BIRC6: variants seen among roughly 807,000 people sequenced by gnomAD.
BIRC6 encodes baculoviral IAP repeat containing 6, also known as dual E2 ubiquitin-conjugating enzyme/E3 ubiquitin-protein ligase BIRC6.
In BIRC6, 98 loss-of-function variants were observed where a neutral mutation model predicts 503.3. That is an observed-to-expected ratio of 0.19 (90% CI 0.17 to 0.23). The LOEUF (loss-of-function observed/expected upper bound fraction) is 0.23, where lower values mean the gene tolerates loss of function less well. Ranked by LOEUF, BIRC6 falls within the 10% of genes least tolerant of loss-of-function variation. The pLI, the probability that BIRC6 is intolerant of heterozygous loss-of-function variation, is 1.00. For synonymous variants in BIRC6, 2,240 were observed against 2,078.7 expected, an observed-to-expected ratio of 1.08 and a Z score of -2.11; for missense variants, 5,360 against 5,806.0, an observed-to-expected ratio of 0.92 and a Z score of 2.50.
chr2:32,497,280 C>G (rs534670460), intron 45 of BIRC6, among the ~76,000 whole-genome samples: 1 of 152,274 alleles, frequency 6.6e-6, no homozygotes, highest in South Asian at 2.1e-4. Context: ...CTTAGCTGGC[C>G]CAATCGGCAT....
rs768612418 is a variant in BIRC6 at position 32,531,421 on chromosome 2, A to G, written c.12161A>G (p.Asp4054Gly). The change falls in exon 61 of 74, where the codon GAT (aspartate) becomes GGT (glycine). Residue 4054 changes from aspartate (D) to glycine (G), a missense_variant. By Grantham distance (94) the Asp-to-Gly change is moderately conservative (BLOSUM62 -1). Around this residue, in one of 16 missense-constraint regions of BIRC6, gnomAD observed 878 missense variants for 928.9 expected, o/e 0.95. Coordinates refer to ENST00000421745, the MANE Select transcript of BIRC6 (RefSeq NM_016252.4). ...EALTPGDECM[D>G]GILDESLLET... ...CTCACTCCAGGTGATGAATGCATGG[A>G]TGGGATACTGGATGAATCTTTGCTT... 24 of 1,613,804 alleles carry G rather than the reference A, an allele frequency of 1.5e-5. No homozygotes were observed. The South Asian group carries it at 2.2e-4, about 15-fold the overall frequency.
intron 66 of BIRC6, among the ~76,000 whole-genome samples, chr2:32,585,150 A>C (rs1250415703): frequency 6.6e-6 from 1 of 152,170 alleles, no homozygotes; most frequent in African/African-American, 2.4e-5. Context: ...CAAAGGGTAT[A>C]TATCAGGTGC....
At chr2:32,577,310 T>C (rs2060332402) in intron 66 of BIRC6, among the ~76,000 whole-genome samples, 1 of 152,136 alleles carries the variant, frequency 6.6e-6, no homozygotes, top group Non-Finnish European at 1.5e-5. Context: ...TACCTTACAT[T>C]TCTGTGTTTT....
chr2:32,553,197 CAAAAAAAAAAAAAAAAA>C (rs763552918), intron 65 of BIRC6, among the ~76,000 whole-genome samples: 883 of 34,938 alleles, frequency 0.025, 11 homozygotes, highest in Middle Eastern at 0.1. Flanking sequence ...AACTCTGTCT[CAAAAAAAAAAAAAAAAA>C]AAAAAAAAAA....
intron 65 of BIRC6, among the ~76,000 whole-genome samples, chr2:32,555,796 A>G (rs192074307): frequency 6.6e-6 from 1 of 151,316 alleles, no homozygotes; most frequent in East Asian, 2.0e-4. Flanking sequence ...AGAACAAAAA[A>G]TCAACACTCG....
chr2:32,570,853 A>G (rs980836801), intron 65 of BIRC6, among the ~76,000 whole-genome samples: 1 of 152,076 alleles, frequency 6.6e-6, no homozygotes, highest in Non-Finnish European at 1.5e-5. Flanking sequence ...GCTAGGGTGC[A>G]ATGGTGTCAT....
At chr2:32,475,550 T>C (rs892035356) in intron 33 of BIRC6, among the ~76,000 whole-genome samples, 2 of 152,188 alleles carry the variant, frequency 1.3e-5, no homozygotes, top group African/African-American at 4.8e-5. Context: ...TGTAGAAGTG[T>C]ATCCAACTAA....
At chr2:32,373,990 A>C (rs559644129) in intron 1 of BIRC6, among the ~76,000 whole-genome samples, 9 of 152,316 alleles carry the variant, frequency 5.9e-5, no homozygotes. Context: ...CATGTGAGAT[A>C]TTTAGAGTAG....
chr2:32,487,389 G>T (rs560536815), intron 40 of BIRC6, among the ~76,000 whole-genome samples: 2 of 152,164 alleles, frequency 1.3e-5, no homozygotes, highest in East Asian at 3.9e-4. Flanking sequence ...AATAAAAATT[G>T]CTAGAAAAGT....
At chr2:32,556,869 G>T (rs1405692123) in intron 65 of BIRC6, among the ~76,000 whole-genome samples, 1 of 152,088 alleles carries the variant, frequency 6.6e-6, no homozygotes, top group Non-Finnish European at 1.5e-5. Context: ...AAGCCGGGAG[G>T]CAGAGGTTGC....
chr2:32,555,677 A>G (rs771109438), intron 65 of BIRC6, among the ~76,000 whole-genome samples: 14 of 151,784 alleles, frequency 9.2e-5, no homozygotes, highest in Non-Finnish European at 2.1e-4. Flanking sequence ...TATTCTACTA[A>G]TTAGAGTAGC....
chr2:32,399,676 G>T (rs1258365498), intron 6 of BIRC6, among the ~76,000 whole-genome samples: 1 of 152,228 alleles, frequency 6.6e-6, no homozygotes, highest in Non-Finnish European at 1.5e-5. Flanking sequence ...AAGTTGAGCA[G>T]ATAGGTGCTA....
At chr2:32,487,891 T>A in intron 41 of BIRC6, 90 bp downstream of exon 41, 1 of 1,071,904 alleles carries the variant, frequency 9.3e-7, no homozygotes, top group Non-Finnish European at 1.4e-6. Flanking sequence ...TCTAATCCTG[T>A]CAGGGATGAT....
chr2:32,434,062 A>C (rs184595240), intron 13 of BIRC6, among the ~76,000 whole-genome samples: 1 of 152,310 alleles, frequency 6.6e-6, no homozygotes, highest in African/African-American at 2.4e-5. Context: ...TCCTTTGTAA[A>C]TTAGTTTGAC....
At chr2:32,508,505 T>G (rs965024328) in intron 51 of BIRC6, among the ~76,000 whole-genome samples, 5 of 152,076 alleles carry the variant, frequency 3.3e-5, no homozygotes, top group African/African-American at 1.2e-4. Flanking sequence ...GTATGCTACA[T>G]GTAGGTGTAC....
Position 32,533,396 on chromosome 2 carries a change from G to A in BIRC6, c.12291+1845G>A, listed in dbSNP as rs576910974. 4.6e-5 allele frequency among the ~76,000 whole-genome samples: 7 copies of A among 152,316 alleles called. No homozygotes were observed. The East Asian group carries it at 1.3e-3, about 29-fold the overall frequency. Reference sequence around the variant, plus strand: ...AAGTACAACCTGTCTTTTTCTTGCTGCTTATAGTGAAATGTGCGAGGAAAG... The same window carrying A: ...AAGTACAACCTGTCTTTTTCTTGCTACTTATAGTGAAATGTGCGAGGAAAG... On this transcript the variant is annotated intron_variant, in intron 61 of 73. Coordinates refer to ENST00000421745, the MANE Select transcript of BIRC6 (RefSeq NM_016252.4).
At chr2:32,519,175 G>T in intron 57 of BIRC6, 1 of 393,900 alleles carries the variant, frequency 2.5e-6, no homozygotes, top group Non-Finnish European at 4.7e-6. Context: ...GTGAGAAATG[G>T]GCAGCTAGAA....
rs1337415606 is a variant in BIRC6, at chr2:32,470,283, A to G, written c.6463A>G (p.Met2155Val). ...GTCACCTCTTCAGCCACAGTTACCC[A>G]TGCATAGGAGGACAGAAGGTATTAA... Reference protein sequence around the residue: ...LLSPLQPQLPMHRRTEGVLDI... With the variant: ...LLSPLQPQLPVHRRTEGVLDI... Residue 2155 changes from methionine to valine, a missense_variant, in exon 31 of 74, where the codon ATG (methionine) becomes GTG (valine). Met to Val is a conservative substitution (Grantham distance 21). This residue lies in a region of BIRC6 where 2,299 missense variants were observed against 2,267.2 expected (regional missense o/e 1.01). Coordinates refer to ENST00000421745, the MANE Select transcript of BIRC6 (RefSeq NM_016252.4). The G allele has an allele frequency of 8.3e-6, 13 of 1,574,590 alleles. No individual in the cohort carries two copies. The highest frequency in any genetic ancestry group is 4.3e-6 in the Non-Finnish European group (5 of 1,158,998).
intron 45 of BIRC6, among the ~76,000 whole-genome samples, chr2:32,493,939 G>A (rs2052083986): frequency 6.6e-6 from 1 of 152,048 alleles, no homozygotes; most frequent in African/African-American, 2.4e-5. Flanking sequence ...GTTATTATAA[G>A]CTTTTTAAAA....
Sources: gnomAD v4.1 joint callset for allele counts (sites outside exome capture counted in the v4.1 genomes callset) on GRCh38, gnomAD v4.1.1 for gene constraint, gnomAD v4.1.1 regional missense constraint, MANE v1.5 for transcripts, NCBI Gene and HGNC (gene_info 2026-07-23, HGNC 2026-07-21) for gene names.